STON1: variants seen among roughly 807,000 people sequenced by gnomAD.
The protein encoded by STON1 is stonin 1, also known as stonin-1.
STON1 carries 79 observed loss-of-function variants against 60.9 expected under a neutral mutation model. The observed-to-expected ratio is 1.30, with a 90% CI of 1.08 to 1.56. STON1 has a LOEUF of 1.56. Ranked by LOEUF, STON1 falls within the 40% of genes most tolerant of loss-of-function variation. The pLI is 0.00. For missense variants in STON1, 1,166 were observed against 858.9 expected (o/e 1.36, Z -4.47); for synonymous variants, 363 against 306.9 (o/e 1.18, Z -1.91).
chr2:48,535,001 C>A (rs1292877959), intron 1 of STON1, among the ~76,000 whole-genome samples: 2 of 152,142 alleles, frequency 1.3e-5, no homozygotes, highest in Non-Finnish European at 2.9e-5. Context: ...GCCTGGAATT[C>A]CAGGTACCTT....
At chr2:48,573,565 G>C (rs958737664) in intron 1 of STON1, among the ~76,000 whole-genome samples, 2 of 151,974 alleles carry the variant, frequency 1.3e-5, no homozygotes, top group East Asian at 1.9e-4. Context: ...CCCCACATCA[G>C]TGTTGTGGTC....
At chr2:48,564,461 CTTCTTCTTCTTCTTCTTCTTT>C (rs1672766360) in intron 1 of STON1, among the ~76,000 whole-genome samples, 3 of 54,466 alleles carry the variant, frequency 5.5e-5, no homozygotes, top group African/African-American at 2.1e-4. Flanking sequence ...TCTTCTTCTT[CTTCTTCTTCTTCTTCTTCTTT>C]CTTCTTCTTC....
Position 48,590,636 on chromosome 2 carries a change from A to AACACACAC in STON1, c.1931-1000_1931-993dup, listed in dbSNP as rs6146756. 2.2e-4 allele frequency among the ~76,000 whole-genome samples: 31 copies of AACACACAC among 142,118 alleles called. 1 individual carries two copies. The South Asian group carries it at 2.3e-3, about 11-fold the overall frequency. The allele number at this position is 142,118 out of a possible 152,430, so 93.2% of individuals were successfully genotyped here. The stretch of plus-strand genomic sequence containing the variant: ...ATGAAAATATTGATCATTTCCTTAT[A>AACACACAC]ACACACACACACACACACACACACT... On this transcript the variant is annotated intron_variant, in intron 2 of 3. Transcript: ENST00000404752.
chr2:48,536,502 C>T (rs906954272), intron 1 of STON1, among the ~76,000 whole-genome samples: 3 of 141,312 alleles, frequency 2.1e-5, no homozygotes, highest in African/African-American at 8.1e-5. Flanking sequence ...GAGCTGAGAT[C>T]GTGCCATTGC....
chr2:48,550,171 C>T (rs1378693033), intron 1 of STON1, among the ~76,000 whole-genome samples: 1 of 152,070 alleles, frequency 6.6e-6, no homozygotes, highest in Non-Finnish European at 1.5e-5. Context: ...CAGCAGCTAT[C>T]AACAAGTACT....
chr2:48,577,399 A>C (rs933929081), intron 1 of STON1, among the ~76,000 whole-genome samples: 3 of 151,804 alleles, frequency 2.0e-5, no homozygotes, highest in African/African-American at 7.3e-5. Flanking sequence ...TGACCAACGT[A>C]GGGAAACCCC....
rs1472698163 is a variant in STON1 at position 48,576,708 on chromosome 2, C to A, written c.-47-3879C>A. 5.9e-5 allele frequency among the ~76,000 whole-genome samples: 9 copies of A among 151,998 alleles called. No individual in the cohort carries two copies. In the East Asian group the frequency reaches 1.7e-3, roughly 29 times the overall value. ...CTAAATTGCATGATTTATTTTCTTG[C>A]CGTTGAGTTTATTGAGTTCCTTATA... is the stretch of plus-strand genomic sequence containing the variant. On this transcript the variant is annotated intron_variant, in intron 1 of 3. Coordinates refer to ENST00000404752, the MANE Select transcript of STON1 (RefSeq NM_006873.4).
chr2:48,563,953 C>T (rs1231446490), intron 1 of STON1, among the ~76,000 whole-genome samples: 1 of 151,186 alleles, frequency 6.6e-6, no homozygotes, highest in Non-Finnish European at 1.5e-5. Context: ...CCCACCTCAG[C>T]CCTCCAAAGT....
In STON1 at chr2:48,579,413, G is replaced by A. The variant is rs527797373; in HGVS notation, c.-47-1174G>A. ...TTCCCTGTGAGTACTGTTTTGGTGT[G>A]CTGTGTTTTCATTTTCATTTGTCTC... On this transcript the variant is annotated intron_variant, in intron 1 of 3. Transcript: ENST00000404752. Among the ~76,000 whole-genome samples the A allele has an allele frequency of 2.2e-4, 33 of 151,984 alleles. No individual in the cohort carries two copies. The South Asian group carries it at 6.7e-3, about 31-fold the overall frequency.
chr2:48,537,178 C>G (rs1413137995), intron 1 of STON1, among the ~76,000 whole-genome samples: 1 of 152,174 alleles, frequency 6.6e-6, no homozygotes, highest in Non-Finnish European at 1.5e-5. Context: ...GCACCCTTGC[C>G]TTGTCTTCTT....
At chr2:48,541,459 G>A (rs942489610) in intron 1 of STON1, among the ~76,000 whole-genome samples, 3 of 150,658 alleles carry the variant, frequency 2.0e-5, no homozygotes, top group Admixed American at 6.6e-5. Context: ...TGAGGCAGGC[G>A]GATCACTTGA....
At chr2:48,532,076 C>T (rs1282832142) in intron 1 of STON1, among the ~76,000 whole-genome samples, 3 of 151,888 alleles carry the variant, frequency 2.0e-5, no homozygotes, top group African/African-American at 7.3e-5. Context: ...AGGCAGGGCA[C>T]GGGGTTCATG....
intron 1 of STON1, chr2:48,530,808 C>G (rs1236944704): frequency 1.3e-5 from 2 of 152,404 alleles, no homozygotes; most frequent in Non-Finnish European, 2.9e-5. Context: ...GGCCACCACA[C>G]TGGCCCAAAT....
chr2:48,577,855 A>T (rs1235956142), intron 1 of STON1, among the ~76,000 whole-genome samples: 1 of 151,856 alleles, frequency 6.6e-6, no homozygotes, highest in Non-Finnish European at 1.5e-5. Context: ...ACCTCAGGTG[A>T]TCCGTCCACC....
At chr2:48,564,481 T>TCTTCC (rs1298423504) in intron 1 of STON1, among the ~76,000 whole-genome samples, 1 of 25,696 alleles carries the variant, frequency 3.9e-5, no homozygotes, top group Non-Finnish European at 8.1e-5. Context: ...TTCTTCTTCT[T>TCTTCC]TCTTCTTCTT....
At position 48,581,547 on chromosome 2, in the gene STON1, G is replaced by A; in HGVS notation, c.914G>A (p.Gly305Glu). The A allele has an allele frequency of 6.2e-7, 1 of 1,614,160 alleles. No homozygotes were observed. Residue 305 changes from glycine (G) to glutamate (E), a missense_variant, in exon 2 of 4, where the codon GGA (glycine) becomes GAA (glutamate). By Grantham distance (98) the Gly-to-Glu change is moderately conservative (BLOSUM62 -2). Transcript: ENST00000404752. ...ATTTTTCTGAAAGTTTTGCCTGGAG[G>A]AATTTTGCAGATGTATTATGAACAG... ...GPIFLKVLPGGILQMYYEQGL... is the reference protein window; with the variant it reads ...GPIFLKVLPGEILQMYYEQGL...
intron 1 of STON1, among the ~76,000 whole-genome samples, chr2:48,570,415 C>T (rs1364801916): frequency 6.6e-6 from 1 of 152,062 alleles, no homozygotes; most frequent in East Asian, 1.9e-4. Context: ...GCAAGTGCAA[C>T]CTTTGTTCGT....
At chr2:48,562,691 C>G (rs754788971) in intron 1 of STON1, among the ~76,000 whole-genome samples, 5 of 152,150 alleles carry the variant, frequency 3.3e-5, no homozygotes, top group Admixed American at 1.3e-4. Context: ...TTGGGTTGAG[C>G]CTTTGCTGTG....
intron 1 of STON1, among the ~76,000 whole-genome samples, chr2:48,578,739 C>T (rs1486766961): frequency 6.6e-6 from 1 of 151,902 alleles, no homozygotes; most frequent in African/African-American, 2.4e-5. Flanking sequence ...GGCAGGTACC[C>T]ACCACCATGC....
Sources: allele counts gnomAD v4.1 joint callset (sites outside exome capture counted in the v4.1 genomes callset), GRCh38; gene constraint gnomAD v4.1.1; transcripts MANE v1.5; gene names NCBI Gene and HGNC (gene_info 2026-07-23, HGNC 2026-07-21).